Variants in PRF1 observed in about 807,000 individuals in gnomAD.
The protein encoded by PRF1 is perforin-1.
In PRF1, 11 loss-of-function variants were observed where a neutral mutation model predicts 11.7. The ratio of observed to expected loss-of-function variants is 0.94; its 90% confidence interval spans 0.59 to 1.56. The LOEUF (loss-of-function observed/expected upper bound fraction) is 1.56, where lower values mean the gene tolerates loss of function less well. Among genes scored for constraint, PRF1 ranks in the 40% most tolerant of loss-of-function variants. The pLI is 0.00. For missense variants in PRF1, 729 were observed against 751.0 expected, an observed-to-expected ratio of 0.97 and a Z score of 0.34; for synonymous variants, 314 against 327.8, an observed-to-expected ratio of 0.96 and a Z score of 0.45.
In PRF1 at chr10:70,600,371, A is replaced by G; in HGVS notation, c.532T>C (p.Phe178Leu). ...CCTAGCCCCAGCTCTCACCTGTAGAAGCGGCACTCCACCGTGTCAGTGCTG... is the reference window on the plus strand; with the variant it reads ...CCTAGCCCCAGCTCTCACCTGTAGAGGCGGCACTCCACCGTGTCAGTGCTG... ...SFSTDTVECR[F>L]YSFHVVHTPP... The change falls in exon 2 of 3, where the codon TTC becomes CTC. Residue 178 changes from phenylalanine (F) to leucine (L), a missense_variant. Phe to Leu is a conservative substitution (Grantham distance 22, BLOSUM62 0). Coordinates refer to ENST00000441259, the MANE Select transcript of PRF1 (RefSeq NM_001083116.3). This position sits in a 1 kb window ranked among gnomAD's most constrained non-coding sequence, Gnocchi z 4.9. 3 of 1,614,014 alleles carry G rather than the reference A, an allele frequency of 1.9e-6. No homozygotes were observed. The highest frequency in any genetic ancestry group is 2.5e-6 in the Non-Finnish European group (3 of 1,179,998).
rs142059134 is a variant in PRF1, at chr10:70,600,692, C to T, written c.211G>A (p.Gly71Ser). The T allele has an allele frequency of 7.1e-5, 114 of 1,613,762 alleles. No individual in the cohort carries two copies. The highest frequency in any genetic ancestry group is 1.3e-4 in the Admixed American group (8 of 60,010). The change falls in exon 2 of 3, where the codon GGC becomes AGC. Residue 71 changes from glycine (G) to serine (S), a missense_variant. Gly to Ser is a moderately conservative substitution (Grantham distance 56). Transcript: ENST00000441259. The surrounding 1 kb of genome is among the most constrained non-coding windows in gnomAD (Gnocchi z 4.9). The part of the protein sequence containing the change: ...VDTQRFLRPD[G>S]TCTLCENALQ... ...GCATTTTCACAGAGGGTGCAGGTGC[C>T]GTCGGGCCGCAGGAACCTTTGTGTG...
chr10:70,602,264 A>G (rs927375421), intron 1 of PRF1, among the ~76,000 whole-genome samples: 4 of 152,116 alleles, frequency 2.6e-5, no homozygotes, highest in Admixed American at 6.5e-5. Flanking sequence ...GGCTCGCCCC[A>G]GGGAGGCAAA....
chr10:70,601,175 A>G (rs968332409), intron 1 of PRF1, among the ~76,000 whole-genome samples: 1 of 152,082 alleles, frequency 6.6e-6, no homozygotes, highest in African/African-American at 2.4e-5. Flanking sequence ...CCTAATGGGG[A>G]TCTAGGTGGA....
rs1554868744 is a variant in PRF1, at chr10:70,601,840, A to AAAGAGAAAGAAAAAAAAG, written c.-31+804_-31+805insCTTTTTTTTCTTTCTCTT. On this transcript the variant is annotated intron_variant, in intron 1 of 2. Transcript: ENST00000441259. ...TAAGACTCTGCCTCAAAAAAAAAAAAAAAAAGGGGCAGACCTGACCACACC... is the reference window on the plus strand; with the variant it reads ...TAAGACTCTGCCTCAAAAAAAAAAAAAAGAGAAAGAAAAAAAAGAAAAAGGGGCAGACCTGACCACACC... Among the ~76,000 whole-genome samples the AAAGAGAAAGAAAAAAAAG allele has an allele frequency of 2.0e-5, 2 of 97,764 alleles. 1 individual carries two copies. The highest frequency in any genetic ancestry group is 5.6e-4 in the East Asian group (2 of 3,580). The allele number at this position is 97,764 out of a possible 152,430, so 64.1% of individuals were successfully genotyped here. A position where few individuals can be genotyped will look rare whatever the true frequency, so the allele number is the denominator to read the frequency against.
chr10:70,598,771 C>T lies in PRF1; in HGVS notation c.950G>A (p.Gly317Glu). The change falls in exon 3 of 3, where the codon GGG becomes GAG. Residue 317 changes from glycine (G) to glutamate (E), a missense_variant. Transcript: ENST00000441259. ...GTACTGCTCGGGCCCGGCCTGGATCCCGAACAGCAGGTCGTTAATGGAGGT... is the reference window on the plus strand; with the variant it reads ...GTACTGCTCGGGCCCGGCCTGGATCTCGAACAGCAGGTCGTTAATGGAGGT... ...HHTSINDLLF[G>E]IQAGPEQYSA... 1 of 1,614,240 alleles carries T rather than the reference C, an allele frequency of 6.2e-7. No homozygotes were observed. Among genetic ancestry groups the T allele is most frequent in the South Asian group, 1.1e-5 (1 of 91,082 alleles).
chr10:70,598,101 T>C lies in PRF1; in HGVS notation c.1620A>G (p.Gln540=), dbSNP rs149776121. Residue 540 remains glutamine (Q), a synonymous_variant, in exon 3 of 3, where the codon CAA becomes CAG. Transcript: ENST00000441259. ...TTCCTGGAGGCTCCCCCAGAAGCAT[T>C]TGGGGGACATAGTCCAGGCAGGTGC... ...GGGTCLDYVP[Q]MLLGEPPGNR... 1,697 of 1,614,000 alleles carry C rather than the reference T, an allele frequency of 1.1e-3. 10 individuals carry two copies. In the East Asian group the frequency reaches 0.014, roughly 14 times the overall value.
At position 70,599,044 on chromosome 10, in the gene PRF1, G is replaced by T. The variant is rs764808366; in HGVS notation, c.677C>A (p.Ala226Asp). The T allele has an allele frequency of 1.2e-6, 2 of 1,613,416 alleles. No individual in the cohort carries two copies. The highest frequency in any genetic ancestry group is 3.3e-5 in the Admixed American group (2 of 59,984). Residue 226 changes from alanine to aspartate, a missense_variant, in exon 3 of 3, where the codon GCT becomes GAT. Physicochemically the swap from Ala to Asp is moderately radical, Grantham distance 126 (BLOSUM62 -2). Transcript: ENST00000441259. ...CGATATGCGGCCACCCAGCTCCACA[G>T]CCCGGATGAAGTGGGTGCCGTAGTT... ...ISNYGTHFIR[A>D]VELGGRISAL...
In PRF1 at chr10:70,599,151, G is replaced by A; in HGVS notation, c.570C>T (p.His190=). ...SFHVVHTPPL[H]PDFKRALGDL... is the part of the protein sequence containing the mutation. The stretch of plus-strand genomic sequence containing the variant: ...CCCCGAGGGCCCTCTTGAAGTCAGG[G>A]TGCAGCGGGGGAGTGTGTACCACAT... The change falls in exon 3 of 3, where the codon CAC becomes CAT. Residue 190 remains histidine, a synonymous_variant. Transcript: ENST00000441259. The A allele has an allele frequency of 6.2e-7, 1 of 1,614,212 alleles. No individual in the cohort carries two copies. Among genetic ancestry groups the A allele is most frequent in the South Asian group, 1.1e-5 (1 of 91,088 alleles).
chr10:70,598,371 C>T lies in PRF1; in HGVS notation c.1350G>A (p.Thr450=), dbSNP rs200312496. ...GGTTGTTATTGTCCCACACGGTGCTCGTCCTCAGCTCCTGGCCACCAAAGA... is the reference window on the plus strand; with the variant it reads ...GGTTGTTATTGTCCCACACGGTGCTTGTCCTCAGCTCCTGGCCACCAAAGA... ...KLFFGGQELR[T]STVWDNNNPI... Residue 450 remains threonine (T), a synonymous_variant, in exon 3 of 3, where the codon ACG becomes ACA. Coordinates refer to ENST00000441259, the MANE Select transcript of PRF1 (RefSeq NM_001083116.3). 1.7e-4 allele frequency: 271 copies of T among 1,614,150 alleles called. No individual in the cohort carries two copies. Among genetic ancestry groups the T allele is most frequent in the Non-Finnish European group, 2.1e-4 (246 of 1,180,024 alleles).
Position 70,598,231 on chromosome 10 carries a change from C to T in PRF1, c.1490G>A (p.Cys497Tyr), listed in dbSNP as rs1848155727. ...SGRDDDLLGT[C>Y]DQAPKSGSHE... ...GGAACCAGACTTGGGAGCCTGATCACAGGTGCCAAGGAGGTCATCGTCCCT... is the reference window on the plus strand; with the variant it reads ...GGAACCAGACTTGGGAGCCTGATCATAGGTGCCAAGGAGGTCATCGTCCCT... The change falls in exon 3 of 3, where the codon TGT becomes TAT. Residue 497 changes from cysteine (C) to tyrosine (Y), a missense_variant. Cys to Tyr is a radical substitution (Grantham distance 194). Coordinates refer to ENST00000441259, the MANE Select transcript of PRF1 (RefSeq NM_001083116.3). The T allele has an allele frequency of 2.5e-6, 4 of 1,614,224 alleles. No individual in the cohort carries two copies. The highest frequency in any genetic ancestry group is 3.4e-6 in the Non-Finnish European group (4 of 1,180,040).
At position 70,598,364 on chromosome 10, in the gene PRF1, C is replaced by T. The variant is rs141864315; in HGVS notation, c.1357G>A (p.Val453Met). 938 of 1,614,202 alleles carry T rather than the reference C, an allele frequency of 5.8e-4. 14 individuals are homozygous for T. In the South Asian group the frequency reaches 9.2e-3, roughly 16 times the overall value. The change falls in exon 3 of 3, where the codon GTG (valine) becomes ATG (methionine). Residue 453 changes from valine (V) to methionine (M), a missense_variant. Transcript: ENST00000441259. The stretch of plus-strand genomic sequence containing the variant: ...CAGATGGGGTTGTTATTGTCCCACA[C>T]GGTGCTCGTCCTCAGCTCCTGGCCA... ...FGGQELRTST[V>M]WDNNNPIWSV...
chr10:70,600,477 A>G lies in PRF1; in HGVS notation c.426T>C (p.Asn142=). The G allele has an allele frequency of 1.2e-6, 2 of 1,614,118 alleles. No individual in the cohort carries two copies. The highest frequency in any genetic ancestry group is 8.5e-7 in the Non-Finnish European group (1 of 1,180,024). The part of the protein sequence containing the change: ...GLDVTPKPTS[N]VHVSVAGSHS... The stretch of plus-strand genomic sequence containing the variant: ...GTGAGCCGGCCACAGACACATGCAC[A>G]TTGCTGGTGGGCTTAGGAGTCACGT... Residue 142 remains asparagine (N), a synonymous_variant, in exon 2 of 3, where the codon AAT becomes AAC. Coordinates refer to ENST00000441259, the MANE Select transcript of PRF1 (RefSeq NM_001083116.3). The surrounding 1 kb of genome is among the most constrained non-coding windows in gnomAD (Gnocchi z 4.9).
rs752189303 is a variant in PRF1 at position 70,598,831 on chromosome 10, C to T, written c.890G>A (p.Arg297Gln). The T allele has an allele frequency of 1.2e-5, 20 of 1,614,094 alleles. No individual in the cohort carries two copies. Among genetic ancestry groups the T allele is most frequent in the East Asian group, 4.5e-5 (2 of 44,884 alleles). Residue 297 changes from arginine (R) to glutamine (Q), a missense_variant, in exon 3 of 3, where the codon CGG (arginine) becomes CAG (glutamine). Transcript: ENST00000441259. ...KMTASFHQTYRERHSEVVGGH... is the reference protein window; with the variant it reads ...KMTASFHQTYQERHSEVVGGH... The stretch of plus-strand genomic sequence containing the variant: ...GCCAACCACTTCCGAGTGGCGCTCC[C>T]GGTAGGTTTGGTGGAAGGAGGCCGT...
intron 1 of PRF1, 112 bp from the exon 2 acceptor site, chr10:70,601,044 C>A: frequency 7.1e-7 from 1 of 1,402,586 alleles, no homozygotes; most frequent in South Asian, 1.4e-5. Flanking sequence ...AGTCATTATT[C>A]AATGAATGTC....
rs2132474314 is a variant in PRF1 at position 70,597,722 on chromosome 10, A to T, written c.*331T>A. ...AGCCACCTCCCTGAAAAACAGTCTG[A>T]ATCTCCCTTTTCCATCTGTCTGATG... On this transcript the variant is annotated 3_prime_UTR_variant, in exon 3 of 3. Transcript: ENST00000441259. 1 of 595,376 alleles carries T rather than the reference A, an allele frequency of 1.7e-6. No homozygotes were observed. The highest frequency in any genetic ancestry group is 3.0e-6 in the Non-Finnish European group (1 of 336,302). The allele number at this position is 595,376 out of a possible 1,614,324, so 36.9% of individuals were successfully genotyped here.
In PRF1 at chr10:70,599,127, CCCGAGG is replaced by C; in HGVS notation, c.588_593del (p.Leu197_Gly198del). ...AGGCGTTGAAGTGGTGGGGCAGGTC[CCCGAGG>C]GCCCTCTTGAAGTCAGGGTGCAGCG... On this transcript the variant is annotated inframe_deletion, in exon 3 of 3. Coordinates refer to ENST00000441259, the MANE Select transcript of PRF1 (RefSeq NM_001083116.3). 6.2e-7 allele frequency: 1 copy of C among 1,614,092 alleles called. No individual in the cohort carries two copies. Among genetic ancestry groups the C allele is most frequent in the African/African-American group, 1.3e-5 (1 of 75,048 alleles).
chr10:70,601,912 C>T (rs1222817501), intron 1 of PRF1, among the ~76,000 whole-genome samples: 1 of 151,632 alleles, frequency 6.6e-6, no homozygotes, highest in Non-Finnish European at 1.5e-5. Flanking sequence ...TCTTCAGATC[C>T]TTTCTTGCTG....
chr10:70,598,072 C>G lies in PRF1; in HGVS notation c.1649G>C (p.Arg550Pro). 1 of 1,613,792 alleles carries G rather than the reference C, an allele frequency of 6.2e-7. No individual in the cohort carries two copies. The highest frequency in any genetic ancestry group is 8.5e-7 in the Non-Finnish European group (1 of 1,180,020). The change falls in exon 3 of 3, where the codon CGG becomes CCG. Residue 550 changes from arginine to proline, a missense_variant. Arg to Pro is a moderately radical substitution (Grantham distance 103). Transcript: ENST00000441259. ...CTGTTCTCACCACACGGCCCCACTC[C>G]GGTTTCCTGGAGGCTCCCCCAGAAG... is the stretch of plus-strand genomic sequence containing the variant. ...QMLLGEPPGN[R>P]SGAVW
chr10:70,600,744 G>T lies in PRF1; in HGVS notation c.159C>A (p.Leu53=). The change falls in exon 2 of 3, where the codon CTC becomes CTA. Residue 53 remains leucine, a synonymous_variant. Coordinates refer to ENST00000441259, the MANE Select transcript of PRF1 (RefSeq NM_001083116.3). This position sits in a 1 kb window ranked among gnomAD's most constrained non-coding sequence, Gnocchi z 4.9. ...LAGEGVDVTS[L]RRSGSFPVDT... ...CCACTGGGAAGGAGCCCGAGCGGCG[G>T]AGGCTGGTCACGTCCACACCCTCCC... is the stretch of plus-strand genomic sequence containing the variant. The T allele has an allele frequency of 6.2e-7, 1 of 1,613,224 alleles. No individual in the cohort carries two copies. Among genetic ancestry groups the T allele is most frequent in the Non-Finnish European group, 8.5e-7 (1 of 1,179,532 alleles).
Sources: allele counts gnomAD v4.1 joint callset (sites outside exome capture counted in the v4.1 genomes callset), GRCh38; gene constraint gnomAD v4.1.1; non-coding constraint Gnocchi (gnomAD v3.1); transcripts MANE v1.5; gene names NCBI Gene and HGNC (gene_info 2026-07-23, HGNC 2026-07-21).